Variants in PDGFC observed in about 807,000 individuals in gnomAD.
The protein encoded by PDGFC is platelet-derived growth factor C.
A neutral mutation model predicts 35.5 loss-of-function variants in PDGFC; 12 were observed. That is an observed-to-expected ratio of 0.34 (90% CI 0.22 to 0.55). The LOEUF (loss-of-function observed/expected upper bound fraction) is 0.55, where lower values mean the gene tolerates loss of function less well. PDGFC is among the 20% of genes least tolerant of loss of function. The pLI is 0.91. For missense variants in PDGFC, 322 were observed against 412.4 expected (o/e 0.78, Z 1.90); for synonymous variants, 159 against 148.8 (o/e 1.07, Z -0.50).
At position 156,965,121 on chromosome 4, in the gene PDGFC, C is replaced by T. The variant is rs553304471; in HGVS notation, c.118+5665G>A. 6.8e-4 allele frequency among the ~76,000 whole-genome samples: 104 copies of T among 152,288 alleles called. 1 individual carries two copies. The South Asian group carries it at 0.021, about 30-fold the overall frequency. On this transcript the variant is annotated intron_variant, in intron 1 of 5. Transcript: ENST00000502773. Reference sequence around the variant, plus strand: ...GTAAAACGTGGTACTCTGATTGGCACAACCATCACTACCAATACATGAACA... The same window carrying T: ...GTAAAACGTGGTACTCTGATTGGCATAACCATCACTACCAATACATGAACA...
chr4:156,922,841 A>G lies in PDGFC; in HGVS notation c.118+47945T>C, dbSNP rs1731319195. ...AGAAGAAAAACAAAGAATGGATGAG[A>G]CAGTGAAAAAGGATACATCGTAGTT... On this transcript the variant is annotated intron_variant, in intron 1 of 5. Transcript: ENST00000502773. Among the ~76,000 whole-genome samples, 5 of 152,078 alleles carry G rather than the reference A, an allele frequency of 3.3e-5. 1 individual carries two copies. Among genetic ancestry groups the G allele is most frequent in the Admixed American group, 3.3e-4 (5 of 15,262 alleles).
intron 3 of PDGFC, among the ~76,000 whole-genome samples, chr4:156,773,283 T>G (rs1040341326): frequency 6.6e-6 from 1 of 152,290 alleles, no homozygotes; most frequent in Admixed American, 6.5e-5. Flanking sequence ...TTATGCAAAT[T>G]AGTGTCACAT....
At chr4:156,938,325 C>T (rs937169177) in intron 1 of PDGFC, among the ~76,000 whole-genome samples, 3 of 152,076 alleles carry the variant, frequency 2.0e-5, no homozygotes, top group African/African-American at 4.8e-5. Flanking sequence ...CCAATCATAA[C>T]GTGCTGATTA....
chr4:156,793,183 T>C (rs898084523), intron 3 of PDGFC, among the ~76,000 whole-genome samples: 4 of 152,128 alleles, frequency 2.6e-5, no homozygotes, highest in Non-Finnish European at 4.4e-5. Flanking sequence ...AGTCAAATGT[T>C]GATAGAAGAC....
chr4:156,881,622 G>A, intron 1 of PDGFC, among the ~76,000 whole-genome samples: 1 of 152,062 alleles, frequency 6.6e-6, no homozygotes, highest in African/African-American at 2.4e-5. Context: ...CCTGGAGTCA[G>A]GAGTCCGAGA....
At chr4:156,937,876 A>C (rs2110897665) in intron 1 of PDGFC, among the ~76,000 whole-genome samples, 1 of 152,286 alleles carries the variant, frequency 6.6e-6, no homozygotes, top group South Asian at 2.1e-4. Flanking sequence ...AAAAAAAATT[A>C]CCTTAAGATA....
chr4:156,900,819 A>G (rs1247841862), intron 1 of PDGFC, among the ~76,000 whole-genome samples: 1 of 151,738 alleles, frequency 6.6e-6, no homozygotes, highest in African/African-American at 2.4e-5. Context: ...TGAGTGACAG[A>G]GAGAGACCCT....
At chr4:156,917,220 G>A (rs1350866827) in intron 1 of PDGFC, among the ~76,000 whole-genome samples, 1 of 152,158 alleles carries the variant, frequency 6.6e-6, no homozygotes, top group Non-Finnish European at 1.5e-5. Flanking sequence ...ACCCATTGGG[G>A]AACTGATTGA....
At chr4:156,869,820 T>C (rs932888444) in intron 1 of PDGFC, among the ~76,000 whole-genome samples, 12 of 152,300 alleles carry the variant, frequency 7.9e-5, no homozygotes, top group African/African-American at 2.9e-4. Flanking sequence ...GGTTCTGATT[T>C]GACTTTATTC....
chr4:156,903,223 T>A (rs959811855), intron 1 of PDGFC, among the ~76,000 whole-genome samples: 14 of 151,904 alleles, frequency 9.2e-5, no homozygotes, highest in Non-Finnish European at 1.6e-4. Context: ...TAAACTTACA[T>A]ACAAATACAG....
rs538950226 is a variant in PDGFC, at chr4:156,866,002, A to T, written c.119-15586T>A. On this transcript the variant is annotated intron_variant, in intron 1 of 5. Coordinates refer to ENST00000502773, the MANE Select transcript of PDGFC (RefSeq NM_016205.3). ...TTAAGTTTTAGGGTACATGTGCACA[A>T]CGTGCAGGTTTGTTACATATGTATA... Among the ~76,000 whole-genome samples, 3 of 152,268 alleles carry T rather than the reference A, an allele frequency of 2.0e-5. No individual in the cohort carries two copies. The South Asian group carries it at 6.2e-4, about 32-fold the overall frequency.
At chr4:156,934,602 T>C (rs1731632293) in intron 1 of PDGFC, among the ~76,000 whole-genome samples, 1 of 152,264 alleles carries the variant, frequency 6.6e-6, no homozygotes, top group Admixed American at 6.5e-5. Context: ...ACTGTAACTT[T>C]TTACTTTATA....
At chr4:156,814,330 C>A (rs1732021826) in intron 2 of PDGFC, among the ~76,000 whole-genome samples, 1 of 152,096 alleles carries the variant, frequency 6.6e-6, no homozygotes, top group Non-Finnish European at 1.5e-5. Context: ...TTAACAAAAG[C>A]ATCCTGAGAA....
chr4:156,837,631 C>T (rs1729094346), intron 2 of PDGFC, among the ~76,000 whole-genome samples: 1 of 150,894 alleles, frequency 6.6e-6, no homozygotes, highest in African/African-American at 2.5e-5. Context: ...CCAAAATCCC[C>T]CAAATGCTCA....
intron 2 of PDGFC, among the ~76,000 whole-genome samples, chr4:156,829,348 T>C (rs1409319217): frequency 6.6e-6 from 1 of 152,212 alleles, no homozygotes; most frequent in Admixed American, 6.5e-5. Context: ...TGTTAGGTGA[T>C]TTCATCATTG....
chr4:156,781,308 A>G (rs531609940), intron 3 of PDGFC, among the ~76,000 whole-genome samples: 11 of 152,250 alleles, frequency 7.2e-5, no homozygotes, highest in Non-Finnish European at 1.3e-4. Flanking sequence ...CAACATGTGA[A>G]ACAGTCTTCT....
intron 1 of PDGFC, among the ~76,000 whole-genome samples, chr4:156,898,357 AG>A (rs1730685346): frequency 6.6e-6 from 1 of 152,184 alleles, no homozygotes; most frequent in Non-Finnish European, 1.5e-5. Flanking sequence ...GAACAGACTA[AG>A]GAAAAAAACA....
At chr4:156,941,597 C>T (rs1731807233) in intron 1 of PDGFC, among the ~76,000 whole-genome samples, 1 of 151,812 alleles carries the variant, frequency 6.6e-6, no homozygotes, top group Non-Finnish European at 1.5e-5. Context: ...TTTTAAATGC[C>T]AAGGCAAAAG....
rs78738822 is a variant in PDGFC at position 156,802,873 on chromosome 4, T to C, written c.495+7964A>G. On this transcript the variant is annotated intron_variant, in intron 3 of 5. Coordinates refer to ENST00000502773, the MANE Select transcript of PDGFC (RefSeq NM_016205.3). ...GAATTCATTTAAGTTTGAGGGTTAA[T>C]ACTTAGAGCATTTTAAGTTATGCAA... Among the ~76,000 whole-genome samples, 3 of 152,332 alleles carry C rather than the reference T, an allele frequency of 2.0e-5. No homozygotes were observed. In the East Asian group the frequency reaches 5.8e-4, roughly 29 times the overall value.
Sources: gnomAD v4.1 joint callset for allele counts (sites outside exome capture counted in the v4.1 genomes callset) on GRCh38, gnomAD v4.1.1 for gene constraint, MANE v1.5 for transcripts, NCBI Gene and HGNC (gene_info 2026-07-23, HGNC 2026-07-21) for gene names.